Variants in BAHCC1 observed in about 807,000 individuals in gnomAD.
The protein encoded by BAHCC1 is BAH domain and coiled-coil containing 1, also known as BAH and coiled-coil domain-containing protein 1.
Under a neutral mutation model 88.2 loss-of-function variants are expected in BAHCC1, and 43 were observed. That is an observed-to-expected ratio of 0.49 (90% CI 0.38 to 0.63). The LOEUF is 0.63. BAHCC1 is among the 20% of genes least tolerant of loss of function. BAHCC1 has a pLI of 0.00. For synonymous variants in BAHCC1, 1,510 were observed against 745.5 expected (o/e 2.03, Z -16.71); for missense variants, 3,023 against 1,654.8 (o/e 1.83, Z -14.34).
intron 17 of BAHCC1, 82 bp downstream of exon 17, chr17:81,457,674 G>A (rs2064775410): frequency 1.6e-6 from 1 of 632,392 alleles, no homozygotes; most frequent in Admixed American, 2.5e-5. Flanking sequence ...GGAGGGCAGG[G>A]GTTGCTGGGT....
Position 81,399,551 on chromosome 17 carries a change from C to A in BAHCC1, c.-189C>A. On this transcript the variant is annotated 5_prime_UTR_variant, in exon 2 of 28. Coordinates refer to ENST00000675386, the MANE Select transcript of BAHCC1 (RefSeq NM_001377448.1). This position sits in a 1 kb window ranked among gnomAD's most constrained non-coding sequence, Gnocchi z 4.5. ...CTCCACAGACCATGGACCCGCACAG[C>A]GGCCGCTGGCTCGGTGCGCGGCCGC... 1 of 384,688 alleles carries A rather than the reference C, an allele frequency of 2.6e-6. No homozygotes were observed. The highest frequency in any genetic ancestry group is 5.1e-6 in the Non-Finnish European group (1 of 196,466). 23.8% of individuals were successfully genotyped at this position (384,688 alleles called of 1,614,324 possible). A position where few individuals can be genotyped will look rare whatever the true frequency, so the allele number is the denominator to read the frequency against.
At chr17:81,420,958 C>T (rs2143354110) in intron 2 of BAHCC1, among the ~76,000 whole-genome samples, 1 of 152,344 alleles carries the variant, frequency 6.6e-6, no homozygotes, top group East Asian at 1.9e-4. Flanking sequence ...GCACTTGGGG[C>T]TATGGGCCTG....
intron 24 of BAHCC1, 43 bp from the exon 25 acceptor site, chr17:81,460,487 C>T: frequency 1.4e-6 from 1 of 728,554 alleles, no homozygotes; most frequent in Non-Finnish European, 2.5e-6. Context: ...GGCAGTCACC[C>T]CACAGCCATG....
chr17:81,455,439 A>AGGTCCCTTCC (rs1320155210), intron 15 of BAHCC1, 49 bp downstream of exon 15: 2 of 706,194 alleles, frequency 2.8e-6, no homozygotes, highest in South Asian at 1.5e-5. Flanking sequence ...AGGTCCCTTC[A>AGGTCCCTTCC]GGTCCCTTCC....
intron 2 of BAHCC1, among the ~76,000 whole-genome samples, chr17:81,403,448 T>G (rs2063840914): frequency 6.7e-6 from 1 of 150,230 alleles, no homozygotes; most frequent in Non-Finnish European, 1.5e-5. Context: ...ACTACTTCTT[T>G]CCTGCTGAAA....
chr17:81,411,466 A>G lies in BAHCC1; in HGVS notation c.178+11549A>G. 1 of 334,980 alleles carries G rather than the reference A, an allele frequency of 3.0e-6. No homozygotes were observed. The highest frequency in any genetic ancestry group is 6.0e-6 in the Non-Finnish European group (1 of 167,358). 20.8% of individuals were successfully genotyped at this position (334,980 alleles called of 1,614,324 possible). A position where few individuals can be genotyped will look rare whatever the true frequency, so the allele number is the denominator to read the frequency against. ...AACAGGGTCCTTGAGGTCGTCAGCC[A>G]GCCCCACCCCTGCCTGCCTGCCTGC... On this transcript the variant is annotated intron_variant, in intron 2 of 27. Coordinates refer to ENST00000675386, the MANE Select transcript of BAHCC1 (RefSeq NM_001377448.1). The surrounding 1 kb of genome is among the most constrained non-coding windows in gnomAD (Gnocchi z 6.2).
At chr17:81,429,202 T>G (rs2064233403) in intron 3 of BAHCC1, among the ~76,000 whole-genome samples, 2 of 151,968 alleles carry the variant, frequency 1.3e-5, no homozygotes, top group Non-Finnish European at 2.9e-5. Flanking sequence ...GTGCAGGGCG[T>G]GGCCTCTGAG....
At chr17:81,410,591 AGGCACCACGGGTCCT>A (rs546700107) in intron 2 of BAHCC1, among the ~76,000 whole-genome samples, 738 of 152,126 alleles carry the variant, frequency 4.9e-3, no homozygotes, top group Middle Eastern at 0.014. Flanking sequence ...CCACGGGTCG[AGGCACCACGGGTCCT>A]GGCACCACGG....
chr17:81,443,285 G>A lies in BAHCC1; in HGVS notation c.1936G>A (p.Val646Met), dbSNP rs1555653241. The change falls in exon 5 of 28, where the codon GTG becomes ATG. Residue 646 changes from valine (V) to methionine (M), a missense_variant. Transcript: ENST00000675386. ...CAAATACAGCAGCCAGGCCCTGGTG[G>A]TGGGCCAGAAAGCACCCTTGGTGGG... is the stretch of plus-strand genomic sequence containing the variant. ...LLKYSSQALVVGQKAPLVGLG... is the reference protein window; with the variant it reads ...LLKYSSQALVMGQKAPLVGLG... 3 of 779,514 alleles carry A rather than the reference G, an allele frequency of 3.8e-6. No homozygotes were observed. Among genetic ancestry groups the A allele is most frequent in the African/African-American group, 3.4e-5 (2 of 59,270 alleles). 48.3% of individuals were successfully genotyped at this position (779,514 alleles called of 1,614,324 possible).
At chr17:81,403,967 A>G (rs989624312) in intron 2 of BAHCC1, among the ~76,000 whole-genome samples, 17 of 152,374 alleles carry the variant, frequency 1.1e-4, no homozygotes, top group African/African-American at 4.1e-4. Context: ...AGGAATATCC[A>G]GGTCACGTGA....
intron 3 of BAHCC1, among the ~76,000 whole-genome samples, chr17:81,432,547 A>AGGCCCACCCCCCCTCCCATCGCCG (rs2064273305): frequency 3.0e-5 from 1 of 33,280 alleles, no homozygotes; most frequent in Non-Finnish European, 5.7e-5. Context: ...ACCCATCACC[A>AGGCCCACCCCCCCTCCCATCGCCG]GGCCCACCCT....
rs782371950 is a variant in BAHCC1 at position 81,452,808 on chromosome 17, C to T, written c.4402C>T (p.Arg1468Cys). 1.5e-5 allele frequency: 11 copies of T among 741,744 alleles called. No individual in the cohort carries two copies. The highest frequency in any genetic ancestry group is 2.3e-4 in the Middle Eastern group (1 of 4,330). The allele number at this position is 741,744 out of a possible 1,614,324, so 45.9% of individuals were successfully genotyped here. A position where few individuals can be genotyped will look rare whatever the true frequency, so the allele number is the denominator to read the frequency against. The change falls in exon 14 of 28, where the codon CGT (arginine) becomes TGT (cysteine). Residue 1468 changes from arginine to cysteine, a missense_variant. By Grantham distance (180) the Arg-to-Cys change is radical. Coordinates refer to ENST00000675386, the MANE Select transcript of BAHCC1 (RefSeq NM_001377448.1). ...RKHSSSLPAP[R>C]PTGPLPRSDG... ...ACACTCAAGCTCGCTGCCTGCCCCA[C>T]GTCCCACGGGGCCGCTCCCCAGGAG...
chr17:81,397,742 G>T (rs1555645149), intron 1 of BAHCC1, among the ~76,000 whole-genome samples: 1 of 152,216 alleles, frequency 6.6e-6, no homozygotes, highest in African/African-American at 2.4e-5. Flanking sequence ...TCGGGGCTTG[G>T]GAGCCGAGCT....
chr17:81,396,469 CCAGGGAGCGGGTGCGGCTGTTTCG>C (rs1449645867), intron 1 of BAHCC1: 1 of 152,104 alleles, frequency 6.6e-6, no homozygotes, highest in Non-Finnish European at 1.5e-5. Context: ...CATGACTCTC[CCAGGGAGCGGGTGCGGCTGTTTCG>C]CAGGGAGCGG....
chr17:81,450,324 CCTCAGGG>C (rs2064610180), intron 11 of BAHCC1, among the ~76,000 whole-genome samples: 1 of 152,126 alleles, frequency 6.6e-6, no homozygotes, highest in Admixed American at 6.5e-5. Context: ...TGTGGTCAGC[CCTCAGGG>C]CTGGCTTCCC....
Position 81,451,817 on chromosome 17 carries a change from C to G in BAHCC1, c.4126C>G (p.Pro1376Ala). ...CCCCTGCAGCGGCCCCAGGCTCACC[C>G]CCCGCATGCAGATCCTGCAGCGCAA... ...ANPCSGPRLT[P>A]RMQILQRKDT... The change falls in exon 12 of 28, where the codon CCC becomes GCC. Residue 1376 changes from proline (P) to alanine (A), a missense_variant. Transcript: ENST00000675386. The G allele has an allele frequency of 1.3e-6, 1 of 757,886 alleles. No homozygotes were observed. Among genetic ancestry groups the G allele is most frequent in the Non-Finnish European group, 2.4e-6 (1 of 414,220 alleles). 46.9% of individuals were successfully genotyped at this position (757,886 alleles called of 1,614,324 possible).
At chr17:81,432,585 CTCCA>C (rs2064275470) in intron 3 of BAHCC1, among the ~76,000 whole-genome samples, 1 of 50,542 alleles carries the variant, frequency 2.0e-5, no homozygotes. Flanking sequence ...CCACCCTCCC[CTCCA>C]GCCCTGGACC....
At chr17:81,410,685 G>A (rs1020566093) in intron 2 of BAHCC1, among the ~76,000 whole-genome samples, 3 of 152,166 alleles carry the variant, frequency 2.0e-5, no homozygotes, top group Admixed American at 6.5e-5. Context: ...GGGGGCCTTC[G>A]TGGCCTTCCG....
chr17:81,398,347 G>C (rs943557191), intron 1 of BAHCC1, among the ~76,000 whole-genome samples: 1 of 152,182 alleles, frequency 6.6e-6, no homozygotes, highest in Non-Finnish European at 1.5e-5. Flanking sequence ...GTTGGGTGGG[G>C]GTGGAAGAAA....
Sources: allele counts gnomAD v4.1 joint callset (sites outside exome capture counted in the v4.1 genomes callset), GRCh38; gene constraint gnomAD v4.1.1; non-coding constraint Gnocchi (gnomAD v3.1); transcripts MANE v1.5; gene names NCBI Gene and HGNC (gene_info 2026-07-23, HGNC 2026-07-21).